The following RAD54B variants were observed in gnomAD, a reference collection of about 807,000 sequenced individuals.
RAD54B encodes the protein DNA repair and recombination protein RAD54B.
A neutral mutation model predicts 95.8 loss-of-function variants in RAD54B; 78 were observed. The observed-to-expected ratio is 0.81, with a 90% confidence interval of 0.68 to 0.98. The LOEUF (loss-of-function observed/expected upper bound fraction) is 0.98. Among genes scored for constraint, RAD54B ranks in the 50% least tolerant of loss-of-function variants. The pLI, the probability that RAD54B is intolerant of heterozygous loss-of-function variation, is 0.00. For synonymous variants in RAD54B, 328 were observed against 354.9 expected (o/e 0.92, Z 0.85); for missense variants, 957 against 1,056.6 (o/e 0.91, Z 1.31).
At chr8:94,430,348 T>G in intron 3 of RAD54B, 2 of 974,238 alleles carry the variant, frequency 2.1e-6, no homozygotes. Context: ...TAATTCATAA[T>G]CTGGTATCAA....
intron 8 of RAD54B, among the ~76,000 whole-genome samples, chr8:94,394,956 A>G (rs550730627): frequency 3.9e-5 from 6 of 152,274 alleles, no homozygotes; most frequent in African/African-American, 1.4e-4. Context: ...TAACACATCT[A>G]GTCAGTTTTA....
chr8:94,383,030 C>T (rs1020709226), intron 11 of RAD54B, among the ~76,000 whole-genome samples: 5 of 152,152 alleles, frequency 3.3e-5, no homozygotes, highest in Non-Finnish European at 5.9e-5. Context: ...GGCACTGTGG[C>T]TCACACCTGT....
chr8:94,415,335 T>C (rs1359257872), intron 3 of RAD54B, among the ~76,000 whole-genome samples: 1 of 144,994 alleles, frequency 6.9e-6, no homozygotes, highest in Admixed American at 7.2e-5. Context: ...TGAAACTGGA[T>C]CCCTTCCTTA....
intron 3 of RAD54B, chr8:94,430,504 A>C (rs1812064461): frequency 3.2e-6 from 3 of 931,708 alleles, no homozygotes; most frequent in Non-Finnish European, 2.6e-6. Flanking sequence ...AGAATCGCTA[A>C]AGGGTTTATT....
intron 3 of RAD54B, chr8:94,436,690 C>G (rs1292880868): frequency 2.6e-6 from 4 of 1,550,608 alleles, no homozygotes; most frequent in Non-Finnish European, 3.5e-6. Flanking sequence ...TCGAGGAGGG[C>G]GGTCTACTCC....
intron 14 of RAD54B, among the ~76,000 whole-genome samples, chr8:94,373,881 T>C (rs986555113): frequency 6.6e-6 from 1 of 152,252 alleles, no homozygotes; most frequent in Admixed American, 6.5e-5. Flanking sequence ...TTCTAAAAGA[T>C]AAACACTTCT....
At chr8:94,473,330 G>A (rs1164435884) in intron 1 of RAD54B, among the ~76,000 whole-genome samples, 1 of 152,144 alleles carries the variant, frequency 6.6e-6, no homozygotes, top group African/African-American at 2.4e-5. Context: ...ACAAGTACTT[G>A]GCACTACACT....
chr8:94,394,040 A>G (rs780277537), intron 8 of RAD54B, among the ~76,000 whole-genome samples, 158 bp from the exon 9 acceptor site: 1 of 152,200 alleles, frequency 6.6e-6, no homozygotes, highest in Non-Finnish European at 1.5e-5. Flanking sequence ...CAGTCAAAGC[A>G]AGTTAAAACA....
chr8:94,454,943 A>T (rs1812747605), intron 3 of RAD54B, among the ~76,000 whole-genome samples: 1 of 151,924 alleles, frequency 6.6e-6, no homozygotes, highest in Non-Finnish European at 1.5e-5. Flanking sequence ...GATTTTTATC[A>T]CTCCCCTGTT....
intron 3 of RAD54B, among the ~76,000 whole-genome samples, chr8:94,441,672 C>T (rs1207243816): frequency 6.6e-6 from 1 of 152,144 alleles, no homozygotes; most frequent in Non-Finnish European, 1.5e-5. Context: ...CACTGGTAAT[C>T]AATTTAACCC....
At chr8:94,436,837 G>A (rs1812277490) in intron 3 of RAD54B, 1 of 1,541,040 alleles carries the variant, frequency 6.5e-7, no homozygotes, top group Non-Finnish European at 8.7e-7. Context: ...TTCGGATAAG[G>A]TAAAATTGGA....
intron 11 of RAD54B, among the ~76,000 whole-genome samples, chr8:94,382,110 T>A (rs1422145451): frequency 8.2e-5 from 9 of 110,182 alleles, no homozygotes; most frequent in Non-Finnish European, 1.6e-4. Context: ...CAAGACTCCC[T>A]CTCAAAAAAA....
chr8:94,436,302 A>G (rs1386717440), intron 3 of RAD54B, among the ~76,000 whole-genome samples: 1 of 152,200 alleles, frequency 6.6e-6, no homozygotes, highest in Admixed American at 6.6e-5. Context: ...GAAGACAGTA[A>G]AAAGTAGCTT....
At chr8:94,455,808 T>C (rs1391266237) in intron 3 of RAD54B, among the ~76,000 whole-genome samples, 5 of 152,346 alleles carry the variant, frequency 3.3e-5, no homozygotes, top group East Asian at 3.9e-4. Context: ...CACCATCACA[T>C]GGTCTTTTTC....
intron 3 of RAD54B, among the ~76,000 whole-genome samples, chr8:94,434,730 G>C (rs894132016): frequency 6.6e-6 from 1 of 151,320 alleles, no homozygotes; most frequent in Non-Finnish European, 1.5e-5. Context: ...CTAATACAGA[G>C]AAAATGTCAA....
At chr8:94,428,596 C>T (rs1812002352) in intron 3 of RAD54B, 1 of 467,776 alleles carries the variant, frequency 2.1e-6, no homozygotes, top group South Asian at 9.1e-5. Context: ...AGCCCAACTC[C>T]TACCTCAGTT....
At chr8:94,456,774 A>G (rs1332360700) in intron 3 of RAD54B, among the ~76,000 whole-genome samples, 4 of 152,090 alleles carry the variant, frequency 2.6e-5, no homozygotes, top group African/African-American at 9.7e-5. Flanking sequence ...TCTCATCTCT[A>G]TGCTTTTCTA....
At chr8:94,436,982 G>A in intron 3 of RAD54B, 1 of 1,416,980 alleles carries the variant, frequency 7.1e-7, no homozygotes. Context: ...GCCTCATTTA[G>A]GCCCACGCCT....
intron 3 of RAD54B, among the ~76,000 whole-genome samples, chr8:94,442,326 C>A (rs551975381): frequency 6.6e-6 from 1 of 150,476 alleles, no homozygotes; most frequent in African/African-American, 2.4e-5. Flanking sequence ...GTAATCCCAG[C>A]ACTTTGGGAG....
Sources: allele counts gnomAD v4.1 joint callset (sites outside exome capture counted in the v4.1 genomes callset), GRCh38; gene constraint gnomAD v4.1.1; transcripts MANE v1.5; gene names NCBI Gene and HGNC (gene_info 2026-07-23, HGNC 2026-07-21).